Variants in ANK3 observed in about 807,000 individuals in gnomAD.
The protein encoded by ANK3 is ankyrin-3.
ANK3 carries 57 observed loss-of-function variants against 370.9 expected under a neutral mutation model. The ratio of observed to expected loss-of-function variants is 0.15; its 90% CI spans 0.12 to 0.19. The LOEUF is 0.19. Among genes scored for constraint, ANK3 ranks in the 10% least tolerant of loss-of-function variants. ANK3 has a pLI of 1.00. For synonymous variants in ANK3, 1,929 were observed against 1,946.3 expected (o/e 0.99, Z 0.23); for missense variants, 4,439 against 5,302.1 (o/e 0.84, Z 5.06).
intron 27 of ANK3, among the ~76,000 whole-genome samples, chr10:60,108,556 T>G (rs1301315678): frequency 2.0e-5 from 3 of 152,146 alleles, no homozygotes; most frequent in African/African-American, 7.2e-5. Flanking sequence ...TGCCTTGACT[T>G]CTACAGGGAC....
intron 1 of ANK3, among the ~76,000 whole-genome samples, chr10:60,680,307 C>T (rs1041030872): frequency 6.6e-6 from 1 of 152,186 alleles, no homozygotes; most frequent in Admixed American, 6.5e-5. Flanking sequence ...GCTGCTCGCA[C>T]CACAGTAATG....
chr10:60,086,192 G>A (rs143192210), intron 30 of ANK3, among the ~76,000 whole-genome samples: 53 of 152,300 alleles, frequency 3.5e-4, no homozygotes, highest in Non-Finnish European at 5.7e-4. Flanking sequence ...TAAACTCTCG[G>A]ATTACACTGG....
At chr10:60,293,746 T>G (rs1381385238) in intron 1 of ANK3, among the ~76,000 whole-genome samples, 2 of 152,232 alleles carry the variant, frequency 1.3e-5, no homozygotes, top group African/African-American at 4.8e-5. Context: ...CGGAGATCCT[T>G]GTTTATAAAA....
chr10:60,384,161 A>G (rs910628440), intron 1 of ANK3, among the ~76,000 whole-genome samples: 2 of 152,236 alleles, frequency 1.3e-5, no homozygotes, highest in East Asian at 1.9e-4. Flanking sequence ...AGAAAAAAGA[A>G]TAACCCATGG....
chr10:60,390,443 A>G (rs1342161610), upstream of ANK3, among the ~76,000 whole-genome samples: 1 of 152,130 alleles, frequency 6.6e-6, no homozygotes, highest in Non-Finnish European at 1.5e-5. Flanking sequence ...AGTCACTGAA[A>G]TGCAGATTTG....
intron 24 of ANK3, among the ~76,000 whole-genome samples, chr10:60,134,993 T>C (rs112445725): frequency 3.9e-5 from 6 of 152,352 alleles, no homozygotes; most frequent in African/African-American, 1.4e-4. Context: ...TACTGTTGTC[T>C]TTCTAGCTCC....
chr10:60,118,921 A>G (rs2093293900), intron 25 of ANK3, among the ~76,000 whole-genome samples: 1 of 152,230 alleles, frequency 6.6e-6, no homozygotes. Context: ...AGAGTGTGCC[A>G]GGACATGGAT....
chr10:60,473,689 G>A (rs1473034499), intron 2 of ANK3, among the ~76,000 whole-genome samples: 1 of 152,116 alleles, frequency 6.6e-6, no homozygotes, highest in East Asian at 1.9e-4. Context: ...TGAGGAGATT[G>A]AAGCATAAAA....
intron 1 of ANK3, among the ~76,000 whole-genome samples, chr10:60,387,856 C>T (rs574195427): frequency 1.3e-3 from 194 of 152,318 alleles, no homozygotes; most frequent in African/African-American, 4.1e-3. Context: ...GTCATCACTG[C>T]TACCGAAAAC....
chr10:60,146,775 C>T (rs1418839424), intron 23 of ANK3, among the ~76,000 whole-genome samples: 4 of 152,168 alleles, frequency 2.6e-5, no homozygotes, highest in East Asian at 1.9e-4. Context: ...CCACTGCGCC[C>T]GGCAAAGATT....
intron 1 of ANK3, among the ~76,000 whole-genome samples, chr10:60,385,022 A>G (rs1383069673): frequency 6.6e-6 from 1 of 152,142 alleles, no homozygotes; most frequent in African/African-American, 2.4e-5. Context: ...TGCTGCTGCT[A>G]CAACACGGAT....
chr10:60,411,893 A>C (rs1041797065), intron 2 of ANK3, among the ~76,000 whole-genome samples: 2 of 152,202 alleles, frequency 1.3e-5, no homozygotes, highest in Non-Finnish European at 2.9e-5. Context: ...CAAATTTAAA[A>C]AAATTAGAAG....
At chr10:60,085,082 C>T in intron 31 of ANK3, 75 bp downstream of exon 31, 1 of 1,250,460 alleles carries the variant, frequency 8.0e-7, no homozygotes, top group Non-Finnish European at 1.1e-6. Flanking sequence ...TAGTATTGAA[C>T]ACAACAATTT....
At chr10:60,335,164 C>T (rs1052920743) in intron 1 of ANK3, among the ~76,000 whole-genome samples, 1 of 151,962 alleles carries the variant, frequency 6.6e-6, no homozygotes, top group Admixed American at 6.6e-5. Flanking sequence ...TGGAATGCTT[C>T]CCGAGTTTGC....
intron 1 of ANK3, among the ~76,000 whole-genome samples, chr10:60,729,035 C>G (rs2079983751): frequency 6.6e-6 from 1 of 152,050 alleles, no homozygotes; most frequent in African/African-American, 2.4e-5. Context: ...AACAGTAAAC[C>G]CCATGCTTTC....
chr10:60,449,047 T>G (rs1567049518), intron 2 of ANK3, among the ~76,000 whole-genome samples: 1 of 152,128 alleles, frequency 6.6e-6, no homozygotes, highest in African/African-American at 2.4e-5. Flanking sequence ...GTTAGAAACA[T>G]GTGAAATAGT....
chr10:60,344,037 G>C (rs2054859626), intron 1 of ANK3, among the ~76,000 whole-genome samples: 5 of 152,202 alleles, frequency 3.3e-5, no homozygotes. Context: ...ATGTGAAGGG[G>C]AAAAGGGAGA....
chr10:60,428,550 C>T (rs760632466), intron 2 of ANK3, among the ~76,000 whole-genome samples: 1 of 152,184 alleles, frequency 6.6e-6, no homozygotes, highest in Non-Finnish European at 1.5e-5. Flanking sequence ...GAGCCAGGGA[C>T]GTAAGGCAGA....
chr10:60,388,282 A>G (rs943868606), intron 1 of ANK3, among the ~76,000 whole-genome samples: 1 of 152,240 alleles, frequency 6.6e-6, no homozygotes, highest in South Asian at 2.1e-4. Flanking sequence ...AAAGTCAGCT[A>G]TGCAACAAAA....
Sources: gnomAD v4.1 joint callset for allele counts (sites outside exome capture counted in the v4.1 genomes callset) on GRCh38, gnomAD v4.1.1 for gene constraint, MANE v1.5 for transcripts, NCBI Gene and HGNC (gene_info 2026-07-23, HGNC 2026-07-21) for gene names.